The following MMP26 variants were observed in gnomAD, a reference collection of about 807,000 sequenced individuals.
The protein encoded by MMP26 is matrix metallopeptidase 26.
Under a neutral mutation model 31.0 loss-of-function variants are expected in MMP26, and 33 were observed. The ratio of observed to expected loss-of-function variants is 1.06; its 90% confidence interval spans 0.81 to 1.42. MMP26 has a LOEUF of 1.42. Ranked by LOEUF, MMP26 falls within the 40% of genes most tolerant of loss-of-function variation. The pLI is 0.00. For synonymous variants in MMP26, 122 were observed against 114.9 expected, an observed-to-expected ratio of 1.06 and a Z score of -0.40; for missense variants, 347 against 316.1, an observed-to-expected ratio of 1.10 and a Z score of -0.74.
chr11:4,882,578 G>C (rs1243623017), intron 2 of MMP26: 8 of 1,613,786 alleles, frequency 5.0e-6, no homozygotes, highest in South Asian at 3.3e-5. Flanking sequence ...CCTCCGTACT[G>C]TTCTGGGCAT....
intron 2 of MMP26, among the ~76,000 whole-genome samples, chr11:4,928,184 T>C (rs1173665817): frequency 1.3e-5 from 2 of 152,156 alleles, no homozygotes; most frequent in African/African-American, 2.4e-5. Flanking sequence ...TTTCCTCCTT[T>C]TTTTTACACA....
chr11:4,826,159 G>A, intron 2 of MMP26, among the ~76,000 whole-genome samples: 1 of 152,052 alleles, frequency 6.6e-6, no homozygotes, highest in East Asian at 1.9e-4. Flanking sequence ...GATAGTTGCA[G>A]GAAAGGCCTT....
At chr11:4,944,168 C>T in intron 2 of MMP26, 1 of 439,436 alleles carries the variant, frequency 2.3e-6, no homozygotes, top group African/African-American at 2.0e-5. Flanking sequence ...ACAGTTCTTG[C>T]CCTGATCTGA....
chr11:4,822,090 C>G, intron 2 of MMP26: 1 of 1,613,370 alleles, frequency 6.2e-7, no homozygotes. Flanking sequence ...ATATCCTGAT[C>G]ATTCGATCTG....
chr11:4,870,288 A>G (rs1850293461), intron 2 of MMP26, among the ~76,000 whole-genome samples: 1 of 152,254 alleles, frequency 6.6e-6, no homozygotes, highest in South Asian at 2.1e-4. Context: ...CTGCTTATGT[A>G]AATAATGTAT....
chr11:4,924,308 C>CT, intron 2 of MMP26: 1 of 1,611,578 alleles, frequency 6.2e-7, no homozygotes, highest in Non-Finnish European at 8.5e-7. Context: ...GAAAGTGGCT[C>CT]TTTGGAGGCT....
chr11:4,916,886 T>C (rs1173329596), intron 2 of MMP26, among the ~76,000 whole-genome samples: 1 of 152,208 alleles, frequency 6.6e-6, no homozygotes, highest in African/African-American at 2.4e-5. Context: ...CACAAGGTCA[T>C]GTCCAGGAGA....
chr11:4,904,556 T>A (rs1336672091), intron 2 of MMP26, among the ~76,000 whole-genome samples: 1 of 152,116 alleles, frequency 6.6e-6, no homozygotes, highest in Admixed American at 6.5e-5. Context: ...TTGTATTATG[T>A]ACATTTTTAC....
At chr11:4,721,163 A>G (rs1245639945) in intron 1 of MMP26, among the ~76,000 whole-genome samples, 1 of 152,156 alleles carries the variant, frequency 6.6e-6, no homozygotes, top group Non-Finnish European at 1.5e-5. Flanking sequence ...AGAATGGTGG[A>G]TTTGGAGCTG....
At chr11:4,957,080 G>C (rs1846454241) in intron 2 of MMP26, among the ~76,000 whole-genome samples, 4 of 152,180 alleles carry the variant, frequency 2.6e-5, no homozygotes, top group Non-Finnish European at 4.4e-5. Flanking sequence ...ACTCAGGTCT[G>C]TTATTTTACT....
At chr11:4,745,253 T>C (rs1848365137) in intron 1 of MMP26, among the ~76,000 whole-genome samples, 1 of 152,208 alleles carries the variant, frequency 6.6e-6, no homozygotes, top group Non-Finnish European at 1.5e-5. Context: ...AAAACGAATA[T>C]GTTTTAGATT....
intron 1 of MMP26, among the ~76,000 whole-genome samples, chr11:4,738,542 A>G (rs1157839767): frequency 1.3e-5 from 2 of 152,208 alleles, no homozygotes; most frequent in Non-Finnish European, 2.9e-5. Context: ...AGATTTTATG[A>G]GCAGTTCTTG....
intron 2 of MMP26, among the ~76,000 whole-genome samples, chr11:4,828,028 C>T (rs1013774329): frequency 2.0e-5 from 3 of 152,070 alleles, no homozygotes; most frequent in African/African-American, 4.8e-5. Context: ...ATATAAATTC[C>T]ATTATGATTG....
At chr11:4,824,030 T>C (rs1356411083) in intron 2 of MMP26, among the ~76,000 whole-genome samples, 2 of 152,164 alleles carry the variant, frequency 1.3e-5, no homozygotes, top group Non-Finnish European at 2.9e-5. Flanking sequence ...CTTTGTTTAA[T>C]GAACAGTTAC....
chr11:4,885,640 T>TCC (rs1047623873), intron 2 of MMP26, among the ~76,000 whole-genome samples: 4 of 151,900 alleles, frequency 2.6e-5, no homozygotes, highest in African/African-American at 9.7e-5. Context: ...CAGAAAAAAA[T>TCC]CCCCCTTATT....
At chr11:4,922,864 C>T (rs1851204402) in intron 2 of MMP26, among the ~76,000 whole-genome samples, 1 of 152,064 alleles carries the variant, frequency 6.6e-6, no homozygotes, top group East Asian at 1.9e-4. Flanking sequence ...TTAGTAAAGA[C>T]TATCATGAAA....
chr11:4,832,804 CTG>C (rs1243119502), intron 2 of MMP26: 1 of 170,290 alleles, frequency 5.9e-6, no homozygotes, highest in Non-Finnish European at 1.3e-5. Flanking sequence ...ATCCTGAAGA[CTG>C]TGTTGGGTAT....
At chr11:4,773,536 C>T (rs2133424985) in intron 2 of MMP26, among the ~76,000 whole-genome samples, 1 of 151,210 alleles carries the variant, frequency 6.6e-6, no homozygotes, top group East Asian at 2.0e-4. Flanking sequence ...GGAGAAAACT[C>T]AGCAAAGCTG....
rs139540504 is a variant in MMP26, at chr11:4,710,362, G to T, written c.-217+5317G>T. The T allele has an allele frequency of 5.4e-4, 249 of 456,918 alleles. 8 individuals are homozygous for T. In the Middle Eastern group the frequency reaches 0.026, roughly 48 times the overall value. 28.3% of individuals were successfully genotyped at this position (456,918 alleles called of 1,614,324 possible). ...ATGATCAGTTTGTCACCAGTGCACA[G>T]ATTTGGAAAGCATGCCCCTCCCCTT... On this transcript the variant is annotated intron_variant, in intron 1 of 7. Transcript: ENST00000380390.
Sources: gnomAD v4.1 joint callset for allele counts (sites outside exome capture counted in the v4.1 genomes callset) on GRCh38, gnomAD v4.1.1 for gene constraint, MANE v1.5 for transcripts, NCBI Gene and HGNC (gene_info 2026-07-23, HGNC 2026-07-21) for gene names.